Variants in ARRDC3 observed in about 807,000 individuals in gnomAD.
ARRDC3 encodes arrestin domain containing 3, also known as arrestin domain-containing protein 3.
A neutral mutation model predicts 47.2 loss-of-function variants in ARRDC3; 10 were observed. That is an observed-to-expected ratio of 0.21 (90% CI 0.13 to 0.36). The LOEUF (loss-of-function observed/expected upper bound fraction) is 0.36, where lower values mean the gene tolerates loss of function less well. ARRDC3 is among the 10% of genes least tolerant of loss of function. The pLI is 1.00. For missense variants in ARRDC3, 381 were observed against 503.6 expected (o/e 0.76, Z 2.33); for synonymous variants, 156 against 178.3 (o/e 0.87, Z 1.00).
chr5:91,378,428 C>T (rs1799355678), intron 2 of ARRDC3, among the ~76,000 whole-genome samples: 1 of 151,984 alleles, frequency 6.6e-6, no homozygotes, highest in South Asian at 2.1e-4. Context: ...CCAATTCACT[C>T]ATGTTAAAGG....
rs545789074 is a variant in ARRDC3 at position 91,372,986 on chromosome 5, T to G, written c.1188+698A>C. Among the ~76,000 whole-genome samples, 13 of 152,330 alleles carry G rather than the reference T, an allele frequency of 8.5e-5. No homozygotes were observed. The South Asian group carries it at 2.5e-3, about 29-fold the overall frequency. On this transcript the variant is annotated intron_variant, in intron 7 of 7. Transcript: ENST00000265138. ...TACATACACTGTTCTTCCTGCCTTTTGAGGACTACTCATTCTTCAAAATTC... is the reference window on the plus strand; with the variant it reads ...TACATACACTGTTCTTCCTGCCTTTGGAGGACTACTCATTCTTCAAAATTC...
intron 7 of ARRDC3, among the ~76,000 whole-genome samples, chr5:91,373,127 T>A (rs1274792761): frequency 6.6e-6 from 1 of 152,220 alleles, no homozygotes; most frequent in African/African-American, 2.4e-5. Context: ...CTTCTTAGCT[T>A]GTTTTCCTCA....
intron 2 of ARRDC3, among the ~76,000 whole-genome samples, chr5:91,377,176 T>TAC (rs1799323446): frequency 6.6e-6 from 1 of 152,200 alleles, no homozygotes; most frequent in Non-Finnish European, 1.5e-5. Flanking sequence ...TTCCCTATAG[T>TAC]ACTCCACTTC....
At chr5:91,378,050 C>A (rs2127073149) in intron 2 of ARRDC3, among the ~76,000 whole-genome samples, 1 of 152,100 alleles carries the variant, frequency 6.6e-6, no homozygotes, top group Non-Finnish European at 1.5e-5. Context: ...TTCCAACAAT[C>A]TGTCATTACT....
At chr5:91,378,070 T>C (rs376824756) in intron 2 of ARRDC3, among the ~76,000 whole-genome samples, 162 of 152,212 alleles carry the variant, frequency 1.1e-3, no homozygotes, top group African/African-American at 3.7e-3. Context: ...TTTAAGAATA[T>C]ACCACTTTCC....
intron 4 of ARRDC3, 30 bp downstream of exon 4, chr5:91,375,481 G>GT (rs1306387302): frequency 2.6e-6 from 4 of 1,509,608 alleles, no homozygotes; most frequent in Non-Finnish European, 3.6e-6. Flanking sequence ...GTGAAGAAAA[G>GT]TTTTTTGTGG....
chr5:91,379,844 C>G (rs1296716136), intron 1 of ARRDC3: 2 of 151,744 alleles, frequency 1.3e-5, no homozygotes, highest in Non-Finnish European at 2.9e-5. Flanking sequence ...TGATATTAAA[C>G]GAGAAAAAGG....
At position 91,376,634 on chromosome 5, in the gene ARRDC3, G is replaced by C. The variant is rs750689659; in HGVS notation, c.497C>G (p.Thr166Ser). The part of the protein sequence containing the change: ...FTVFEHIDIN[T>S]PSLLSPQAGT... ...GTCAATTCTTACCAGTAATGAAGGAGTGTTGATATCTATATGCTCAAAGAC... is the reference window on the plus strand; with the variant it reads ...GTCAATTCTTACCAGTAATGAAGGACTGTTGATATCTATATGCTCAAAGAC... The change falls in exon 3 of 8, where the codon ACT becomes AGT. Residue 166 changes from threonine (T) to serine (S), a missense_variant. By Grantham distance (58) the Thr-to-Ser change is moderately conservative (BLOSUM62 1). Transcript: ENST00000265138. 6.2e-6 allele frequency: 10 copies of C among 1,608,764 alleles called. No homozygotes were observed. The highest frequency in any genetic ancestry group is 8.5e-6 in the Non-Finnish European group (10 of 1,176,260).
At chr5:91,373,063 A>G (rs906378222) in intron 7 of ARRDC3, among the ~76,000 whole-genome samples, 5 of 152,132 alleles carry the variant, frequency 3.3e-5, no homozygotes, top group Non-Finnish European at 7.4e-5. Context: ...AAGACCTAAT[A>G]AGCTGCTTCT....
rs1326815542 is a variant in ARRDC3 at position 91,375,524 on chromosome 5, C to T, written c.600G>A (p.Lys200=). ...PISLSAKIER[K]GYTPGESIQI... is the part of the protein sequence containing the mutation. The stretch of plus-strand genomic sequence containing the variant: ...CCTCTTACATACCTGGGGTATAGCC[C>T]TTCCTTTCAATTTTGGCACTTAAGG... Residue 200 remains lysine (K), a synonymous_variant, in exon 4 of 8, where the codon AAG becomes AAA. Transcript: ENST00000265138. 6.2e-7 allele frequency: 1 copy of T among 1,610,644 alleles called. No homozygotes were observed. Among genetic ancestry groups the T allele is most frequent in the South Asian group, 1.1e-5 (1 of 90,564 alleles).
At chr5:91,380,074 C>G (rs1426156850) in intron 1 of ARRDC3, 1 of 152,266 alleles carries the variant, frequency 6.6e-6, no homozygotes, top group Non-Finnish European at 1.5e-5. Flanking sequence ...CCTTTTTGTG[C>G]CAGCTCAGCA....
At chr5:91,380,207 T>G (rs1477938338) in intron 1 of ARRDC3, 5 of 164,236 alleles carry the variant, frequency 3.0e-5, no homozygotes, top group Admixed American at 6.5e-5. Context: ...CCAGCCGGCC[T>G]GCCCGCGCGC....
chr5:91,377,569 TA>T (rs888478577), intron 2 of ARRDC3, among the ~76,000 whole-genome samples: 4 of 107,240 alleles, frequency 3.7e-5, no homozygotes, highest in African/African-American at 1.7e-4. Flanking sequence ...GGTGTTTTCA[TA>T]ATTTTTTTTT....
intron 1 of ARRDC3, chr5:91,379,754 C>A (rs916339615): frequency 2.0e-5 from 3 of 151,760 alleles, no homozygotes; most frequent in African/African-American, 7.3e-5. Context: ...CGATTAGCCC[C>A]CAGAGTAGAA....
At chr5:91,381,158 CATTGAAACT>C (rs928061708) in intron 1 of ARRDC3, 19 of 151,204 alleles carry the variant, frequency 1.3e-4, no homozygotes. Context: ...AGTTTCAAGT[CATTGAAACT>C]ATTCCAGACT....
rs1347979780 is a variant in ARRDC3 at position 91,375,181 on chromosome 5, A to G, written c.614-3T>C. On this transcript the variant is annotated splice_region_variant and splice_polypyrimidine_tract_variant and intron_variant, in intron 4 of 7. Coordinates refer to ENST00000265138, the MANE Select transcript of ARRDC3 (RefSeq NM_020801.4). ...AGCAAATATCTGAATTGATTCACCT[A>G]GAGAGGGAAAAATATATACATATCT... is the stretch of plus-strand genomic sequence containing the variant. The G allele has an allele frequency of 6.2e-7, 1 of 1,611,508 alleles. No individual in the cohort carries two copies. The highest frequency in any genetic ancestry group is 8.5e-7 in the Non-Finnish European group (1 of 1,179,344).
intron 2 of ARRDC3, among the ~76,000 whole-genome samples, chr5:91,378,443 C>T (rs1353753560): frequency 6.6e-6 from 1 of 151,718 alleles, no homozygotes; most frequent in African/African-American, 2.4e-5. Context: ...TAAAGGAAAC[C>T]CTATTCCTAT....
At chr5:91,381,582 T>A (rs1799458691) in intron 1 of ARRDC3, among the ~76,000 whole-genome samples, 1 of 152,334 alleles carries the variant, frequency 6.6e-6, no homozygotes, top group African/African-American at 2.4e-5. Context: ...AATGCATTAA[T>A]ACTGTCCCTC....
At chr5:91,382,092 C>T (rs908220908) in intron 1 of ARRDC3, among the ~76,000 whole-genome samples, 1 of 152,176 alleles carries the variant, frequency 6.6e-6, no homozygotes, top group African/African-American at 2.4e-5. Flanking sequence ...GCATGGGTTT[C>T]ATTGAATGCA....
Sources: gnomAD v4.1 joint callset for allele counts (sites outside exome capture counted in the v4.1 genomes callset) on GRCh38, gnomAD v4.1.1 for gene constraint, MANE v1.5 for transcripts, NCBI Gene and HGNC (gene_info 2026-07-23, HGNC 2026-07-21) for gene names.